Variants in PRELID3A observed in about 807,000 individuals in gnomAD.
The protein encoded by PRELID3A is PRELI domain containing 3A.
PRELID3A carries 27 observed loss-of-function variants against 23.0 expected under a neutral mutation model. The observed-to-expected ratio is 1.17, with a 90% confidence interval of 0.87 to 1.62. The LOEUF is 1.62. Among genes scored for constraint, PRELID3A ranks in the 40% most tolerant of loss-of-function variants. PRELID3A has a pLI of 0.00. For missense variants in PRELID3A, 231 were observed against 231.4 expected (o/e 1.00, Z 0.01); for synonymous variants, 87 against 86.4 (o/e 1.01, Z -0.04).
chr18:12,411,294 T>TA (rs1193956712), intron 1 of PRELID3A, among the ~76,000 whole-genome samples: 7 of 144,310 alleles, frequency 4.9e-5, no homozygotes, highest in Non-Finnish European at 6.0e-5. Flanking sequence ...CTGTCTCTAC[T>TA]AAAAAATAAA....
chr18:12,430,529 T>C (rs2030542214), intron 6 of PRELID3A, among the ~76,000 whole-genome samples: 1 of 149,780 alleles, frequency 6.7e-6, no homozygotes, highest in Non-Finnish European at 1.5e-5. Context: ...GTGTGGGGTG[T>C]GTGTGATGTG....
At chr18:12,427,383 A>C in intron 5 of PRELID3A, 60 bp downstream of exon 5, 4 of 1,250,796 alleles carry the variant, frequency 3.2e-6, no homozygotes, top group Non-Finnish European at 4.7e-6. Context: ...CCAGATTAAG[A>C]ATATGACATT....
At position 12,427,225 on chromosome 18, in the gene PRELID3A, G is replaced by T. The variant is rs200735859; in HGVS notation, c.367G>T (p.Val123Leu). 1 of 1,613,816 alleles carries T rather than the reference G, an allele frequency of 6.2e-7. No homozygotes were observed. The highest frequency in any genetic ancestry group is 1.1e-5 in the South Asian group (1 of 91,052). Residue 123 changes from valine (V) to leucine (L), a missense_variant, in exon 5 of 7, where the codon GTG (valine) becomes TTG (leucine). Physicochemically the swap from Val to Leu is conservative, Grantham distance 32. Coordinates refer to ENST00000440960, the MANE Select transcript of PRELID3A (RefSeq NM_001142405.2). ...TTTCTTCTTGCTCTTTTGCAGGACC[G>T]TGCTCACACAAGAAGCCATCATCAC... is the stretch of plus-strand genomic sequence containing the variant. Reference protein sequence around the residue: ...TPHPENPEMTVLTQEAIITVK... With the variant: ...TPHPENPEMTLLTQEAIITVK...
intron 1 of PRELID3A, among the ~76,000 whole-genome samples, chr18:12,413,742 G>A (rs917935603): frequency 2.6e-5 from 4 of 151,996 alleles, no homozygotes; most frequent in African/African-American, 9.7e-5. Flanking sequence ...TCTCACCACG[G>A]CCTACTAATT....
intron 2 of PRELID3A, 76 bp downstream of exon 2, chr18:12,420,569 C>T: frequency 7.2e-7 from 1 of 1,397,086 alleles, no homozygotes; most frequent in South Asian, 1.5e-5. Context: ...CCGCGTCCCT[C>T]CTCCCCTCAT....
chr18:12,409,037 C>T (rs1288549189), intron 1 of PRELID3A, among the ~76,000 whole-genome samples: 1 of 151,718 alleles, frequency 6.6e-6, no homozygotes. Flanking sequence ...TCTGACCTCA[C>T]TTAAGCATTA....
chr18:12,426,405 T>C, intron 3 of PRELID3A, among the ~76,000 whole-genome samples: 1 of 149,220 alleles, frequency 6.7e-6, no homozygotes, highest in South Asian at 2.1e-4. Flanking sequence ...ATACAAAAAA[T>C]TAGCTGGGCA....
chr18:12,430,494 GTGTA>G (rs796132601), intron 6 of PRELID3A, among the ~76,000 whole-genome samples: 53 of 142,678 alleles, frequency 3.7e-4, no homozygotes, highest in African/African-American at 1.4e-3. Flanking sequence ...TGTGTGTGGT[GTGTA>G]TGCTGGTGTG....
intron 5 of PRELID3A, 147 bp from the exon 6 acceptor site, chr18:12,429,203 T>C: frequency 1.5e-6 from 1 of 670,490 alleles, no homozygotes; most frequent in Non-Finnish European, 2.7e-6. Context: ...TGCCTGCCTG[T>C]GTGAAGATCA....
At chr18:12,412,566 A>G (rs549529279) in intron 1 of PRELID3A, among the ~76,000 whole-genome samples, 1 of 152,338 alleles carries the variant, frequency 6.6e-6, no homozygotes, top group South Asian at 2.1e-4. Flanking sequence ...GATAGATATT[A>G]ATAGCTGTAT....
intron 1 of PRELID3A, among the ~76,000 whole-genome samples, chr18:12,409,830 A>AT (rs951642427): frequency 2.6e-5 from 4 of 151,814 alleles, no homozygotes; most frequent in Admixed American, 2.0e-4. Context: ...ACTCCCATTT[A>AT]TTTTTTTTAA....
At chr18:12,411,835 C>T (rs930601379) in intron 1 of PRELID3A, among the ~76,000 whole-genome samples, 4 of 152,098 alleles carry the variant, frequency 2.6e-5, no homozygotes, top group African/African-American at 9.7e-5. Context: ...GGGCATCCTT[C>T]TGAGGGGGTC....
chr18:12,421,646 G>T lies in PRELID3A; in HGVS notation c.291+17G>T. On this transcript the variant is annotated intron_variant, in intron 3 of 6. Coordinates refer to ENST00000440960, the MANE Select transcript of PRELID3A (RefSeq NM_001142405.2). ...TCTACCAATGTAAGCAATGGCCTCA[G>T]ATGAGAAACGGGCTCAGTGTGTCTG... is the stretch of plus-strand genomic sequence containing the variant. 1.3e-6 allele frequency: 2 copies of T among 1,550,032 alleles called. No homozygotes were observed. The highest frequency in any genetic ancestry group is 1.8e-6 in the Non-Finnish European group (2 of 1,121,716).
chr18:12,430,710 G>A (rs2030556536), intron 6 of PRELID3A, among the ~76,000 whole-genome samples: 1 of 150,246 alleles, frequency 6.7e-6, no homozygotes, highest in Admixed American at 6.6e-5. Flanking sequence ...GTGAATGTGT[G>A]TATAGTGTGT....
rs1330354690 is a variant in PRELID3A at position 12,420,142 on chromosome 18, C to T, written c.33-183C>T. 9 of 1,426,424 alleles carry T rather than the reference C, an allele frequency of 6.3e-6. 1 individual carries two copies. The highest frequency in any genetic ancestry group is 5.2e-4 in the Middle Eastern group (2 of 3,882). The allele number at this position is 1,426,424 out of a possible 1,614,324, so 88.4% of individuals were successfully genotyped here. A position where few individuals can be genotyped will look rare whatever the true frequency, so the allele number is the denominator to read the frequency against. ...ACCAAGGGGCTGCCAGGTGCCGAGG[C>T]GTGCAGGTGCTGAGCCGGCGGCCGG... On this transcript the variant is annotated intron_variant, in intron 1 of 6. Transcript: ENST00000440960.
At chr18:12,408,065 G>A (rs879676648) in intron 1 of PRELID3A, 58 bp downstream of exon 1, 952 of 1,231,666 alleles carry the variant, frequency 7.7e-4, no homozygotes, top group Non-Finnish European at 9.3e-4. Context: ...CTGCTCCCGA[G>A]CCCGGCTGGA....
At chr18:12,410,474 C>G (rs1909871785) in intron 1 of PRELID3A, among the ~76,000 whole-genome samples, 1 of 152,114 alleles carries the variant, frequency 6.6e-6, no homozygotes. Context: ...TGATGTGGTA[C>G]CATGAGGTGG....
chr18:12,421,480 G>A, intron 2 of PRELID3A, 60 bp from the exon 3 acceptor site: 2 of 976,492 alleles, frequency 2.0e-6, no homozygotes, highest in South Asian at 2.6e-5. Context: ...ATGGTATTCG[G>A]TGGTGATATG....
At chr18:12,412,470 G>C (rs1263680822) in intron 1 of PRELID3A, among the ~76,000 whole-genome samples, 1 of 152,248 alleles carries the variant, frequency 6.6e-6, no homozygotes, top group South Asian at 2.1e-4. Flanking sequence ...TTACAGGCGT[G>C]AGCCACTGCG....
Sources: allele counts gnomAD v4.1 joint callset (sites outside exome capture counted in the v4.1 genomes callset), GRCh38; gene constraint gnomAD v4.1.1; transcripts MANE v1.5; gene names NCBI Gene and HGNC (gene_info 2026-07-23, HGNC 2026-07-21).